TUBGCP5: variants seen among roughly 807,000 people sequenced by gnomAD.
TUBGCP5 encodes tubulin gamma complex component 5, also known as gamma-tubulin complex component 5.
In TUBGCP5, 98 loss-of-function variants were observed where a neutral mutation model predicts 134.7. The observed-to-expected ratio is 0.73, with a 90% CI of 0.62 to 0.86. TUBGCP5 has a LOEUF of 0.86. Ranked by LOEUF, TUBGCP5 falls within the 40% of genes least tolerant of loss-of-function variation. The probability of loss-of-function intolerance (pLI) is 0.00; values close to 1 mark genes in which losing one functional copy is unlikely to be tolerated. For missense variants in TUBGCP5, 1,150 were observed against 1,244.8 expected (o/e 0.92, Z 1.15); for synonymous variants, 456 against 431.4 (o/e 1.06, Z -0.71).
At chr15:22,992,941 A>G (rs976502028) in intron 23 of TUBGCP5, among the ~76,000 whole-genome samples, 7 of 152,088 alleles carry the variant, frequency 4.6e-5, no homozygotes, top group Non-Finnish European at 7.4e-5. Context: ...ACTGAGAGAA[A>G]GATTTAAAAA....
In TUBGCP5 at chr15:23,026,198, G is replaced by A. The variant is rs1407206264; in HGVS notation, c.745C>T (p.His249Tyr). 1 of 1,612,988 alleles carries A rather than the reference G, an allele frequency of 6.2e-7. No homozygotes were observed. The highest frequency in any genetic ancestry group is 8.5e-7 in the Non-Finnish European group (1 of 1,179,566). Residue 249 changes from histidine to tyrosine, a missense_variant, in exon 8 of 23, where the codon CAC becomes TAC. By Grantham distance (83) the His-to-Tyr change is moderately conservative (BLOSUM62 2). Coordinates refer to ENST00000615383, the MANE Select transcript of TUBGCP5 (RefSeq NM_052903.6). ...HSNLAAVWDQ[H>Y]LYSSDPLYVP... is the part of the protein sequence containing the mutation. The stretch of plus-strand genomic sequence containing the variant: ...TACAATGGATCACTGCTGTACAAGT[G>A]TTGGTCCCTATGAGACAGCAAACAT...
At chr15:23,024,636 C>T (rs996564824) in intron 9 of TUBGCP5, 101 bp downstream of exon 9, 10 of 646,754 alleles carry the variant, frequency 1.5e-5, no homozygotes, top group South Asian at 2.7e-5. Flanking sequence ...GAAGCAAGAA[C>T]GAGTTCAATA....
chr15:23,011,244 A>G lies in TUBGCP5; in HGVS notation c.1844T>C (p.Leu615Pro). Residue 615 changes from leucine to proline, a missense_variant, in exon 14 of 23, where the codon CTT becomes CCT. Physicochemically the swap from Leu to Pro is moderately conservative, Grantham distance 98. Around this residue, in one of 2 missense-constraint regions of TUBGCP5, gnomAD observed 697 missense variants for 850.1 expected, o/e 0.82. Coordinates refer to ENST00000615383, the MANE Select transcript of TUBGCP5 (RefSeq NM_052903.6). ...CTCCTTGGTTGCCTGTTGCTCAGTA[A>G]GAACCTGTGGAGTGGAATCTTCTCC... ...RHGEDSTPQV[L>P]TEQQATKENL... 3 of 1,613,988 alleles carry G rather than the reference A, an allele frequency of 1.9e-6. No individual in the cohort carries two copies. Among genetic ancestry groups the G allele is most frequent in the Non-Finnish European group, 2.5e-6 (3 of 1,179,978 alleles).
intron 23 of TUBGCP5, among the ~76,000 whole-genome samples, chr15:22,986,119 G>A (rs2063669853): frequency 1.5e-5 from 2 of 136,636 alleles, no homozygotes; most frequent in Admixed American, 7.4e-5. Context: ...GGGCGACAGA[G>A]CAAGACTCTG....
Position 23,017,761 on chromosome 15 carries a change from C to T in TUBGCP5, c.1756+12G>A, listed in dbSNP as rs371187995. On this transcript the variant is annotated intron_variant, in intron 13 of 22. Coordinates refer to ENST00000615383, the MANE Select transcript of TUBGCP5 (RefSeq NM_052903.6). ...CAACACCAAGAGAGACACAGGAAGACGGAACAAGTACCTCTGGCTCCTGCC... is the reference window on the plus strand; with the variant it reads ...CAACACCAAGAGAGACACAGGAAGATGGAACAAGTACCTCTGGCTCCTGCC... 2.8e-5 allele frequency: 45 copies of T among 1,609,140 alleles called. No individual in the cohort carries two copies. Among genetic ancestry groups the T allele is most frequent in the Middle Eastern group, 1.7e-4 (1 of 6,054 alleles).
intron 13 of TUBGCP5, among the ~76,000 whole-genome samples, chr15:23,011,789 G>A (rs978537264): frequency 1.3e-5 from 2 of 148,362 alleles, no homozygotes; most frequent in Admixed American, 1.3e-4. Context: ...GGGATTACAG[G>A]CGTGAGCCAC....
intron 10 of TUBGCP5, 134 bp from the exon 11 acceptor site, chr15:23,022,295 C>A: frequency 2.5e-6 from 2 of 814,622 alleles, no homozygotes; most frequent in Non-Finnish European, 4.0e-6. Flanking sequence ...TAATCTCATA[C>A]CACAAGGACC....
At chr15:23,031,100 T>C (rs1892640067) in intron 5 of TUBGCP5, 80 bp from the exon 6 acceptor site, 2 of 1,390,760 alleles carry the variant, frequency 1.4e-6, no homozygotes, top group African/African-American at 1.5e-5. Context: ...TAAGAAAACT[T>C]TGAAGAAAAG....
At position 23,011,343 on chromosome 15, in the gene TUBGCP5, A is replaced by G. The variant is rs778511531; in HGVS notation, c.1757-12T>C. ...TTTTCTTTCTGCATCTGAAACATAA[A>G]GAAATATGTAAGGTGAACTAAGTTC... On this transcript the variant is annotated splice_polypyrimidine_tract_variant and intron_variant, in intron 13 of 22. Coordinates refer to ENST00000615383, the MANE Select transcript of TUBGCP5 (RefSeq NM_052903.6). The G allele has an allele frequency of 6.2e-6, 10 of 1,601,926 alleles. No homozygotes were observed. Among genetic ancestry groups the G allele is most frequent in the Admixed American group, 5.1e-5 (3 of 59,206 alleles).
intron 7 of TUBGCP5, 120 bp downstream of exon 7, chr15:23,027,072 T>C (rs1044936420): frequency 1.3e-5 from 10 of 778,842 alleles, no homozygotes; most frequent in Middle Eastern, 6.6e-4. Context: ...AAAAAAAGAA[T>C]TGTCAAAACA....
At chr15:23,035,329 T>TTAAAA (rs1555446188) in intron 3 of TUBGCP5, among the ~76,000 whole-genome samples, 4,666 of 134,624 alleles carry the variant, frequency 0.035, 284 homozygotes, top group African/African-American at 0.13. Context: ...CACTCAGTCT[T>TTAAAA]AAAAAAAAAA....
intron 16 of TUBGCP5, among the ~76,000 whole-genome samples, chr15:23,007,899 C>A (rs2064817892): frequency 6.6e-6 from 1 of 152,026 alleles, no homozygotes; most frequent in Admixed American, 6.5e-5. Flanking sequence ...GGGAGTGAGG[C>A]TGAGAGACAC....
At chr15:23,017,640 G>A (rs2065413950) in intron 13 of TUBGCP5, 133 bp downstream of exon 13, 4 of 864,228 alleles carry the variant, frequency 4.6e-6, no homozygotes, top group South Asian at 2.0e-5. Flanking sequence ...ATTCAACCAT[G>A]ACGATAATTG....
chr15:23,008,300 CTT>C (rs1358900523), intron 16 of TUBGCP5, among the ~76,000 whole-genome samples: 3 of 152,028 alleles, frequency 2.0e-5, no homozygotes, highest in Middle Eastern at 3.4e-3. Flanking sequence ...GAGTCTCGTT[CTT>C]GTCGCCCAGG....
downstream of TUBGCP5, among the ~76,000 whole-genome samples, chr15:22,995,912 T>C (rs184316624): frequency 1.8e-4 from 27 of 152,326 alleles, no homozygotes; most frequent in Admixed American, 1.0e-3. Context: ...GGCTTTTTTT[T>C]CGACATAAAG....
chr15:23,019,472 C>A (rs1014477042), intron 11 of TUBGCP5, 138 bp from the exon 12 acceptor site: 7 of 656,174 alleles, frequency 1.1e-5, no homozygotes, highest in African/African-American at 9.1e-5. Context: ...AATTAAAAAT[C>A]CAAAAACATA....
intron 7 of TUBGCP5, among the ~76,000 whole-genome samples, 179 bp from the exon 8 acceptor site, chr15:23,026,384 T>C (rs1465847443): frequency 6.6e-6 from 1 of 152,164 alleles, no homozygotes; most frequent in Non-Finnish European, 1.5e-5. Flanking sequence ...TGAGAAACAC[T>C]TTCAGAACAA....
At chr15:23,029,230 A>AT (rs1195435307) in intron 6 of TUBGCP5, among the ~76,000 whole-genome samples, 2 of 151,816 alleles carry the variant, frequency 1.3e-5, no homozygotes, top group Non-Finnish European at 2.9e-5. Context: ...TTATTTATTT[A>AT]TTTTTTTTGA....
At chr15:23,012,982 G>T (rs974532045) in intron 13 of TUBGCP5, among the ~76,000 whole-genome samples, 2 of 151,972 alleles carry the variant, frequency 1.3e-5, no homozygotes, top group African/African-American at 4.8e-5. Context: ...CACATCTATA[G>T]TCCCAGCTAC....
Sources: gnomAD v4.1 joint callset for allele counts (sites outside exome capture counted in the v4.1 genomes callset) on GRCh38, gnomAD v4.1.1 for gene constraint, gnomAD v4.1.1 regional missense constraint, MANE v1.5 for transcripts, NCBI Gene and HGNC (gene_info 2026-07-23, HGNC 2026-07-21) for gene names.